Variants in PRDX3 observed in about 807,000 individuals in gnomAD.
PRDX3 encodes peroxiredoxin 3, also known as thioredoxin-dependent peroxide reductase, mitochondrial.
In PRDX3, 20 loss-of-function variants were observed where a neutral mutation model predicts 30.4. That is an observed-to-expected ratio of 0.66 (90% CI 0.46 to 0.96). PRDX3 has a LOEUF of 0.96. Among genes scored for constraint, PRDX3 ranks in the 40% least tolerant of loss-of-function variants. PRDX3 has a pLI of 0.00. For missense variants in PRDX3, 322 were observed against 318.3 expected, an observed-to-expected ratio of 1.01 and a Z score of -0.09; for synonymous variants, 124 against 117.8, an observed-to-expected ratio of 1.05 and a Z score of -0.34.
intron 2 of PRDX3, among the ~76,000 whole-genome samples, chr10:119,175,266 A>T (rs565784192): frequency 6.6e-6 from 1 of 152,350 alleles, no homozygotes; most frequent in South Asian, 2.1e-4. Flanking sequence ...TGTGTGGAGC[A>T]GCGTGTGGCA....
In PRDX3 at chr10:119,168,281, G is replaced by C. The variant is rs7768; in HGVS notation, c.*199C>G. On this transcript the variant is annotated 3_prime_UTR_variant, in exon 7 of 7. Coordinates refer to ENST00000298510, the MANE Select transcript of PRDX3 (RefSeq NM_006793.5). ...CAGCCACCAAGATGTTACCAATAAA[G>C]GATTCCTTGTACTAGCAACTAACCA... 0.34 allele frequency: 370,936 copies of C among 1,102,234 alleles called. 64,826 individuals are homozygous for C. Among genetic ancestry groups the C allele is most frequent in the East Asian group, 0.55 (18,584 of 33,832 alleles). 68.3% of individuals were successfully genotyped at this position (1,102,234 alleles called of 1,614,324 possible). A position where few individuals can be genotyped will look rare whatever the true frequency, so the allele number is the denominator to read the frequency against.
chr10:119,168,290 G>A lies in PRDX3; in HGVS notation c.*190C>T. 2 of 1,186,404 alleles carry A rather than the reference G, an allele frequency of 1.7e-6. No individual in the cohort carries two copies. Among genetic ancestry groups the A allele is most frequent in the Non-Finnish European group, 2.3e-6 (2 of 884,070 alleles). 73.5% of individuals were successfully genotyped at this position (1,186,404 alleles called of 1,614,324 possible). On this transcript the variant is annotated 3_prime_UTR_variant, in exon 7 of 7. Coordinates refer to ENST00000298510, the MANE Select transcript of PRDX3 (RefSeq NM_006793.5). ...AGATGTTACCAATAAAGGATTCCTTGTACTAGCAACTAACCATGTTTAAAA... is the reference window on the plus strand; with the variant it reads ...AGATGTTACCAATAAAGGATTCCTTATACTAGCAACTAACCATGTTTAAAA...
chr10:119,172,920 A>G (rs1382277964), intron 4 of PRDX3, among the ~76,000 whole-genome samples: 1 of 151,546 alleles, frequency 6.6e-6, no homozygotes, highest in Non-Finnish European at 1.5e-5. Flanking sequence ...TGCTTTTTCT[A>G]ATTCTTTATT....
At chr10:119,170,923 G>A (rs915082725) in intron 5 of PRDX3, 3 of 151,998 alleles carry the variant, frequency 2.0e-5, no homozygotes, top group South Asian at 4.2e-4. Flanking sequence ...AAAAAAGAGA[G>A]GAAAAAAAGG....
At chr10:119,177,944 G>A (rs1036001652) in intron 1 of PRDX3, among the ~76,000 whole-genome samples, 1 of 148,480 alleles carries the variant, frequency 6.7e-6, no homozygotes, top group Middle Eastern at 3.4e-3. Flanking sequence ...GCAGTGGCGC[G>A]ATCTCGGCTC....
intron 6 of PRDX3, 110 bp from the exon 7 acceptor site, chr10:119,168,643 G>GC: frequency 6.6e-7 from 1 of 1,512,210 alleles, no homozygotes; most frequent in Non-Finnish European, 8.8e-7. Context: ...AACTTTTAAA[G>GC]ATTTCCTTTA....
chr10:119,168,260 C>A lies in PRDX3; in HGVS notation c.*220G>T. ...GTTCTGTAGAAACTAGCTAGCCAGC[C>A]ACCAAGATGTTACCAATAAAGGATT... On this transcript the variant is annotated 3_prime_UTR_variant, in exon 7 of 7. Coordinates refer to ENST00000298510, the MANE Select transcript of PRDX3 (RefSeq NM_006793.5). The A allele has an allele frequency of 2.3e-6, 2 of 888,856 alleles. No individual in the cohort carries two copies. The highest frequency in any genetic ancestry group is 3.2e-5 in the East Asian group (1 of 31,368). 55.1% of individuals were successfully genotyped at this position (888,856 alleles called of 1,614,324 possible).
chr10:119,168,716 G>A lies in PRDX3; in HGVS notation c.718-183C>T, dbSNP rs567479185. On this transcript the variant is annotated intron_variant, in intron 6 of 6. Transcript: ENST00000298510. ...CTCTAGGCCGGGCACGGTGGCTCACGCCGGTAATCCCAGCACTTTGGGAGG... is the reference window on the plus strand; with the variant it reads ...CTCTAGGCCGGGCACGGTGGCTCACACCGGTAATCCCAGCACTTTGGGAGG... 2.5e-4 allele frequency among the ~76,000 whole-genome samples: 38 copies of A among 151,176 alleles called. 1 individual carries two copies. In the Middle Eastern group the frequency reaches 0.01, roughly 42 times the overall value.
Position 119,169,212 on chromosome 10 carries a change from C to A in PRDX3, c.682G>T (p.Val228Phe), listed in dbSNP as rs377652956. The stretch of plus-strand genomic sequence containing the variant: ...TCCGGTGTCCAGTTCGCTGGGCAGA[C>A]TTCTCCATGTGTTTCTACATACTGG... ...AFQYVETHGEVCPANWTPDSP... is the reference protein window; with the variant it reads ...AFQYVETHGEFCPANWTPDSP... The change falls in exon 6 of 7, where the codon GTC becomes TTC. Residue 228 changes from valine (V) to phenylalanine (F), a missense_variant. Coordinates refer to ENST00000298510, the MANE Select transcript of PRDX3 (RefSeq NM_006793.5). 3.1e-6 allele frequency: 5 copies of A among 1,612,676 alleles called. No homozygotes were observed. Among genetic ancestry groups the A allele is most frequent in the Non-Finnish European group, 4.2e-6 (5 of 1,180,034 alleles).
At chr10:119,173,439 G>A (rs10886408) in intron 4 of PRDX3, among the ~76,000 whole-genome samples, 80,294 of 151,672 alleles carry the variant, frequency 0.53, 22,734 homozygotes, top group African/African-American at 0.74. Flanking sequence ...GAGACACCCC[G>A]TCTCTACTAA....
chr10:119,178,574 G>A (rs1005626982), intron 1 of PRDX3, among the ~76,000 whole-genome samples, 181 bp downstream of exon 1: 3 of 152,250 alleles, frequency 2.0e-5, no homozygotes, highest in Non-Finnish European at 4.4e-5. Flanking sequence ...GAGTGGGGAA[G>A]GGCGGTTCTG....
In PRDX3 at chr10:119,172,484, T is replaced by C. The variant is rs1335477904; in HGVS notation, c.449A>G (p.Asn150Ser). ...GATGTTCATGTGGCCCAAACCACCATTCTAATCAAAATGCAAACATGACTG... is the reference window on the plus strand; with the variant it reads ...GATGTTCATGTGGCCCAAACCACCACTCTAATCAAAATGCAAACATGACTG... ...HLAWINTPRK[N>S]GGLGHMNIAL... Residue 150 changes from asparagine to serine, a missense_variant and splice_region_variant, in exon 5 of 7, where the codon AAT (asparagine) becomes AGT (serine). By Grantham distance (46) the Asn-to-Ser change is conservative. Coordinates refer to ENST00000298510, the MANE Select transcript of PRDX3 (RefSeq NM_006793.5). 3 of 1,612,444 alleles carry C rather than the reference T, an allele frequency of 1.9e-6. No individual in the cohort carries two copies. Among genetic ancestry groups the C allele is most frequent in the Admixed American group, 1.7e-5 (1 of 59,990 alleles).
chr10:119,168,344 C>G lies in PRDX3; in HGVS notation c.*136G>C. 1 of 1,485,880 alleles carries G rather than the reference C, an allele frequency of 6.7e-7. No individual in the cohort carries two copies. 92.0% of individuals were successfully genotyped at this position (1,485,880 alleles called of 1,614,324 possible). A position where few individuals can be genotyped will look rare whatever the true frequency, so the allele number is the denominator to read the frequency against. ...CTTAGCCAGAATTACAAAAACAAAACATTTAGAGTAATACTTATGAATACA... is the reference window on the plus strand; with the variant it reads ...CTTAGCCAGAATTACAAAAACAAAAGATTTAGAGTAATACTTATGAATACA... On this transcript the variant is annotated 3_prime_UTR_variant, in exon 7 of 7. Transcript: ENST00000298510.
rs747262787 is a variant in PRDX3 at position 119,173,773 on chromosome 10, G to A, written c.411C>T (p.His137=). 1.2e-6 allele frequency: 2 copies of A among 1,612,534 alleles called. No homozygotes were observed. The highest frequency in any genetic ancestry group is 2.2e-5 in the South Asian group (2 of 90,998). Residue 137 remains histidine (H), a synonymous_variant, in exon 4 of 7, where the codon CAC becomes CAT. Transcript: ENST00000298510. ...CEVVAVSVDS[H]FSHLAWINTP... Reference sequence around the variant, plus strand: ...TATTTATCCAGGCAAGATGGCTAAAGTGGGAATCCACTGAGACTGCGACAA... The same window carrying A: ...TATTTATCCAGGCAAGATGGCTAAAATGGGAATCCACTGAGACTGCGACAA...
chr10:119,174,616 T>A (rs117034470), intron 2 of PRDX3, 24 bp from the exon 3 acceptor site: 148 of 1,557,592 alleles, frequency 9.5e-5, no homozygotes, highest in South Asian at 6.7e-4. Context: ...CACACTCATA[T>A]GGAGTTCATC....
chr10:119,168,535 T>C lies in PRDX3; in HGVS notation c.718-2A>G. The C allele has an allele frequency of 1.2e-6, 2 of 1,613,654 alleles. No individual in the cohort carries two copies. Among genetic ancestry groups the C allele is most frequent in the South Asian group, 2.2e-5 (2 of 91,044 alleles). On this transcript the variant is annotated splice_acceptor_variant, in intron 6 of 6. Coordinates refer to ENST00000298510, the MANE Select transcript of PRDX3 (RefSeq NM_006793.5). LOFTEE classifies it high-confidence loss of function. Reference sequence around the variant, plus strand: ...GGAAGCAGCTGGACTTGGCTTGATCTGAAAATACAAAAGCTTAATTAGGTA... The same window carrying C: ...GGAAGCAGCTGGACTTGGCTTGATCCGAAAATACAAAAGCTTAATTAGGTA...
rs546112477 is a variant in PRDX3, at chr10:119,176,943, G to A, written c.169+78C>T. The A allele has an allele frequency of 3.8e-6, 6 of 1,572,802 alleles. No homozygotes were observed. The African/African-American group carries it at 6.7e-5, about 18-fold the overall frequency. On this transcript the variant is annotated intron_variant, in intron 2 of 6. Coordinates refer to ENST00000298510, the MANE Select transcript of PRDX3 (RefSeq NM_006793.5). ...CCAGGTGACTCTAACGTTTGGCCAGGGTTCAGAGCCCCTGTCCAGAGACGA... is the reference window on the plus strand; with the variant it reads ...CCAGGTGACTCTAACGTTTGGCCAGAGTTCAGAGCCCCTGTCCAGAGACGA...
chr10:119,175,471 C>T (rs908500851), intron 2 of PRDX3, among the ~76,000 whole-genome samples: 3 of 152,218 alleles, frequency 2.0e-5, no homozygotes, highest in Admixed American at 2.0e-4. Flanking sequence ...TCTCAGCTCA[C>T]TGCAAGCTCT....
intron 2 of PRDX3, among the ~76,000 whole-genome samples, chr10:119,176,380 G>C (rs540168994): frequency 3.3e-5 from 5 of 152,234 alleles, no homozygotes; most frequent in African/African-American, 9.6e-5. Flanking sequence ...AGAACATTTT[G>C]CCCACAAACA....
Sources: allele counts gnomAD v4.1 joint callset (sites outside exome capture counted in the v4.1 genomes callset), GRCh38; gene constraint gnomAD v4.1.1; transcripts MANE v1.5; gene names NCBI Gene and HGNC (gene_info 2026-07-23, HGNC 2026-07-21).